WDR7: variants seen among roughly 807,000 people sequenced by gnomAD.
The protein encoded by WDR7 is WD repeat domain 7, also known as WD repeat-containing protein 7.
A neutral mutation model predicts 169.4 loss-of-function variants in WDR7; 46 were observed. The ratio of observed to expected loss-of-function variants is 0.27; its 90% CI spans 0.21 to 0.35. WDR7 has a LOEUF of 0.35. Among genes scored for constraint, WDR7 ranks in the 10% least tolerant of loss-of-function variants. WDR7 has a pLI of 1.00. For missense variants in WDR7, 1,534 were observed against 1,859.3 expected, an observed-to-expected ratio of 0.83 and a Z score of 3.22; for synonymous variants, 612 against 666.8, an observed-to-expected ratio of 0.92 and a Z score of 1.27.
At chr18:56,925,164 T>G (rs766515662) in intron 22 of WDR7, among the ~76,000 whole-genome samples, 23 of 152,258 alleles carry the variant, frequency 1.5e-4, no homozygotes, top group Non-Finnish European at 3.2e-4. Context: ...CACATATAGT[T>G]AATCCATTTA....
At chr18:56,861,697 T>G (rs1242474680) in intron 20 of WDR7, among the ~76,000 whole-genome samples, 1 of 152,156 alleles carries the variant, frequency 6.6e-6, no homozygotes, top group Non-Finnish European at 1.5e-5. Context: ...CCCACTGATT[T>G]TCTGTATTTG....
chr18:56,772,420 C>T (rs919505898), intron 16 of WDR7, among the ~76,000 whole-genome samples: 37 of 151,998 alleles, frequency 2.4e-4, no homozygotes, highest in Middle Eastern at 3.4e-3. Context: ...AGATGGCTTC[C>T]GAAGAGATGG....
chr18:56,685,929 C>T, intron 5 of WDR7, 27 bp from the exon 6 acceptor site: 1 of 1,576,396 alleles, frequency 6.3e-7, no homozygotes, highest in Non-Finnish European at 8.6e-7. Context: ...GTAACCTGGG[C>T]TGCTTTTTTG....
At chr18:56,656,871 A>G (rs994397175) in intron 1 of WDR7, among the ~76,000 whole-genome samples, 5 of 152,156 alleles carry the variant, frequency 3.3e-5, no homozygotes, top group Non-Finnish European at 7.3e-5. Context: ...AGAACATGGA[A>G]TGGTCTTTCA....
chr18:56,917,473 T>C (rs1287351099), intron 21 of WDR7, among the ~76,000 whole-genome samples: 1 of 152,226 alleles, frequency 6.6e-6, no homozygotes, highest in Non-Finnish European at 1.5e-5. Context: ...GTCTGTGCTT[T>C]GTGATAGGGA....
At position 56,694,972 on chromosome 18, in the gene WDR7, T is replaced by G. The variant is rs112949155; in HGVS notation, c.1131T>G (p.Ile377Met). 7.4e-6 allele frequency: 12 copies of G among 1,614,148 alleles called. No homozygotes were observed. In the African/African-American group the frequency reaches 9.3e-5, roughly 13 times the overall value. ...SEEGLAMTTS[I>M]SLQEAFDKLN... ...CAGGGCTGGCAATGACAACTTCTAT[T>G]AGTTTGCAAGAGGCATTTGATAAAC... Residue 377 changes from isoleucine (I) to methionine (M), a missense_variant, in exon 11 of 28, where the codon ATT becomes ATG. Physicochemically the swap from Ile to Met is conservative, Grantham distance 10. Transcript: ENST00000254442.
chr18:56,725,919 C>T (rs970049977), intron 13 of WDR7, among the ~76,000 whole-genome samples: 3 of 152,152 alleles, frequency 2.0e-5, no homozygotes, highest in Non-Finnish European at 4.4e-5. Context: ...GGAATCCTTT[C>T]CCCATTTCTT....
At chr18:56,780,854 T>C (rs1456941593) in intron 18 of WDR7, among the ~76,000 whole-genome samples, 1 of 152,252 alleles carries the variant, frequency 6.6e-6, no homozygotes, top group Non-Finnish European at 1.5e-5. Flanking sequence ...TTTTTTGACT[T>C]CATGCCTGTG....
intron 1 of WDR7, among the ~76,000 whole-genome samples, chr18:56,655,259 T>C (rs2024741915): frequency 6.6e-6 from 1 of 152,194 alleles, no homozygotes; most frequent in African/African-American, 2.4e-5. Context: ...AAATTGATTT[T>C]GTACAATGCC....
At chr18:56,981,083 G>A (rs1481754918) in intron 26 of WDR7, among the ~76,000 whole-genome samples, 2 of 152,220 alleles carry the variant, frequency 1.3e-5, no homozygotes, top group East Asian at 3.8e-4. Context: ...TTAGAGATGA[G>A]AGTAGCCTTG....
At chr18:56,953,680 G>C (rs1479035373) in intron 25 of WDR7, among the ~76,000 whole-genome samples, 3 of 152,206 alleles carry the variant, frequency 2.0e-5, no homozygotes, top group Non-Finnish European at 4.4e-5. Context: ...ACACACAGAA[G>C]AGACCCAGTG....
Position 56,748,691 on chromosome 18 carries a change from G to A in WDR7, c.1990-7892G>A, listed in dbSNP as rs188562465. ...TGAAAAGTCAAATAACATGAAGTCT[G>A]TGACTGTATTGTCATTCACACCTAC... On this transcript the variant is annotated intron_variant, in intron 14 of 27. Coordinates refer to ENST00000254442, the MANE Select transcript of WDR7 (RefSeq NM_015285.3). Among the ~76,000 whole-genome samples, 418 of 151,752 alleles carry A rather than the reference G, an allele frequency of 2.8e-3. 3 individuals carry two copies. The East Asian group carries it at 0.031, about 11-fold the overall frequency.
At chr18:56,927,316 G>C (rs759667893) in intron 22 of WDR7, among the ~76,000 whole-genome samples, 1 of 152,036 alleles carries the variant, frequency 6.6e-6, no homozygotes, top group African/African-American at 2.4e-5. Flanking sequence ...GATGAAGAGG[G>C]TATTTTCTGG....
intron 14 of WDR7, among the ~76,000 whole-genome samples, chr18:56,749,030 T>C (rs2144895719): frequency 6.6e-6 from 1 of 152,196 alleles, no homozygotes; most frequent in African/African-American, 2.4e-5. Context: ...TTTTAGTAGA[T>C]GATGAGGTTT....
chr18:56,839,392 TATC>T (rs1172905110), intron 20 of WDR7, among the ~76,000 whole-genome samples: 4 of 152,166 alleles, frequency 2.6e-5, no homozygotes, highest in African/African-American at 7.2e-5. Flanking sequence ...AAACTCCAGA[TATC>T]ATATTATTTT....
In WDR7 at chr18:56,924,054, C is replaced by T; in HGVS notation, c.3659C>T (p.Ala1220Val). Reference sequence around the variant, plus strand: ...TGGGAGCCTTACATGGATGTGTCCGCTGTTCTGATGGGGCTTCTCGAACTT... The same window carrying T: ...TGGGAGCCTTACATGGATGTGTCCGTTGTTCTGATGGGGCTTCTCGAACTT... ...TVWEPYMDVSAVLMGLLELCA... is the reference protein window; with the variant it reads ...TVWEPYMDVSVVLMGLLELCA... The change falls in exon 22 of 28, where the codon GCT becomes GTT. Residue 1220 changes from alanine (A) to valine (V), a missense_variant. Ala to Val is a moderately conservative substitution (Grantham distance 64). Transcript: ENST00000254442. 6.2e-7 allele frequency: 1 copy of T among 1,613,548 alleles called. No homozygotes were observed. The highest frequency in any genetic ancestry group is 1.1e-5 in the South Asian group (1 of 90,898).
intron 26 of WDR7, among the ~76,000 whole-genome samples, chr18:56,984,656 T>C (rs1462257600): frequency 6.6e-6 from 1 of 152,246 alleles, no homozygotes; most frequent in Non-Finnish European, 1.5e-5. Context: ...TAAGTCATTA[T>C]GTCTTAATCC....
chr18:56,901,805 C>G (rs956730352), intron 21 of WDR7, among the ~76,000 whole-genome samples: 1 of 152,036 alleles, frequency 6.6e-6, no homozygotes, highest in Non-Finnish European at 1.5e-5. Context: ...GAAAAGGCAA[C>G]CTAGTTGCAT....
chr18:57,025,616 G>C (rs1478511073), intron 27 of WDR7, among the ~76,000 whole-genome samples: 1 of 152,134 alleles, frequency 6.6e-6, no homozygotes, highest in Non-Finnish European at 1.5e-5. Flanking sequence ...TCACCTCTGT[G>C]TTGTGTTCAG....
Sources: gnomAD v4.1 joint callset for allele counts (sites outside exome capture counted in the v4.1 genomes callset) on GRCh38, gnomAD v4.1.1 for gene constraint, MANE v1.5 for transcripts, NCBI Gene and HGNC (gene_info 2026-07-23, HGNC 2026-07-21) for gene names.